The following PDE2A variants were observed in gnomAD, a reference collection of about 807,000 sequenced individuals.
PDE2A encodes the protein cGMP-dependent 3',5'-cyclic phosphodiesterase.
A neutral mutation model predicts 133.6 loss-of-function variants in PDE2A; 53 were observed. The ratio of observed to expected loss-of-function variants is 0.40; its 90% confidence interval spans 0.32 to 0.50. The LOEUF (loss-of-function observed/expected upper bound fraction) is 0.50. PDE2A is among the 20% of genes least tolerant of loss of function. PDE2A has a pLI of 0.73. For synonymous variants in PDE2A, 491 were observed against 490.2 expected (o/e 1.00, Z -0.02); for missense variants, 796 against 1,232.4 (o/e 0.65, Z 5.30).
chr11:72,669,395 G>A (rs191337790), intron 1 of PDE2A, among the ~76,000 whole-genome samples: 1 of 152,266 alleles, frequency 6.6e-6, no homozygotes, highest in Non-Finnish European at 1.5e-5. Flanking sequence ...TTTCGGGGTG[G>A]GGGGGCAGTG....
chr11:72,662,345 A>G (rs1855090679), intron 1 of PDE2A, among the ~76,000 whole-genome samples: 1 of 152,084 alleles, frequency 6.6e-6, no homozygotes, highest in Non-Finnish European at 1.5e-5. Context: ...CCAGCACCAT[A>G]AGGGGGCTGC....
intron 1 of PDE2A, among the ~76,000 whole-genome samples, chr11:72,655,858 G>A (rs1182091821): frequency 6.6e-6 from 1 of 152,240 alleles, no homozygotes; most frequent in African/African-American, 2.4e-5. Context: ...CAGCAAGGGA[G>A]TGCAGGCTAT....
Position 72,588,927 on chromosome 11 carries a change from G to C in PDE2A, c.940-13C>G, listed in dbSNP as rs941329892. The stretch of plus-strand genomic sequence containing the variant: ...GTTGTACATCCTCCTGCAAAGGCGA[G>C]GCAAGTCAGGGCAGGGAAGCAGGGC... On this transcript the variant is annotated splice_polypyrimidine_tract_variant and intron_variant, in intron 12 of 30. Transcript: ENST00000334456. 3 of 1,592,584 alleles carry C rather than the reference G, an allele frequency of 1.9e-6. No homozygotes were observed. In the Admixed American group the frequency reaches 5.1e-5, roughly 27 times the overall value.
Position 72,596,629 on chromosome 11 carries a change from C to A in PDE2A, c.453G>T (p.Ala151=). 1 of 1,515,388 alleles carries A rather than the reference C, an allele frequency of 6.6e-7. No homozygotes were observed. The highest frequency in any genetic ancestry group is 8.9e-7 in the Non-Finnish European group (1 of 1,124,196). The allele number at this position is 1,515,388 out of a possible 1,614,324, so 93.9% of individuals were successfully genotyped here. ...CTGCCACGGCCCCAGCCTCCTTGTC[C>A]GCTAGCGGCATGACCAGCACTGAGG... ...PDTQVLVMPL[A]DKEAGAVAAV... Residue 151 remains alanine, a synonymous_variant, in exon 6 of 31, where the codon GCG becomes GCT. Transcript: ENST00000334456.
At chr11:72,644,763 ATTTTATTTTT>A (rs2135441593) in intron 1 of PDE2A, among the ~76,000 whole-genome samples, 1 of 86,714 alleles carries the variant, frequency 1.2e-5, no homozygotes, top group Non-Finnish European at 2.7e-5. Context: ...ATTTTATTTT[ATTTTATTTTT>A]TTGAGACGGA....
intron 1 of PDE2A, 93 bp from the exon 2 acceptor site, chr11:72,642,419 C>A: frequency 1.6e-6 from 2 of 1,248,414 alleles, no homozygotes; most frequent in South Asian, 3.2e-5. Context: ...CCGCTGCGCT[C>A]GGTCAGCGCG....
At position 72,599,326 on chromosome 11, in the gene PDE2A, C is replaced by T. The variant is rs114473963; in HGVS notation, c.324-1707G>A. Among the ~76,000 whole-genome samples the T allele has an allele frequency of 4.7e-3, 717 of 152,158 alleles. 3 individuals carry two copies. The highest frequency in any genetic ancestry group is 0.016 in the African/African-American group (684 of 41,496). On this transcript the variant is annotated intron_variant, in intron 4 of 30. Transcript: ENST00000334456. ...CAGCCCTCACTCATGAGCTCCAGAC[C>T]CCAGATACCCAAAGGCCACCTGGAG...
At chr11:72,637,519 A>G (rs1270181046) in intron 2 of PDE2A, among the ~76,000 whole-genome samples, 1 of 152,248 alleles carries the variant, frequency 6.6e-6, no homozygotes, top group African/African-American at 2.4e-5. Context: ...GGAGGTAAGA[A>G]TCCCTGGGCT....
At chr11:72,631,175 C>T in intron 2 of PDE2A, 3 of 1,497,736 alleles carry the variant, frequency 2.0e-6, no homozygotes, top group Non-Finnish European at 2.7e-6. Flanking sequence ...TGAGGCCGGC[C>T]AGGCCTTCTC....
chr11:72,587,025 G>A (rs186884621), intron 13 of PDE2A, among the ~76,000 whole-genome samples: 7 of 152,262 alleles, frequency 4.6e-5, no homozygotes, highest in Admixed American at 4.6e-4. Flanking sequence ...ACATCTCTCA[G>A]CTTCAGCCAC....
In PDE2A at chr11:72,578,452, A is replaced by T; in HGVS notation, c.2508+24T>A. On this transcript the variant is annotated intron_variant, in intron 29 of 30. Transcript: ENST00000334456. This position sits in a 1 kb window ranked among gnomAD's most constrained non-coding sequence, Gnocchi z 4.2. ...CCAGGAACCCTCCCCCATCCTGGAC[A>T]TCCTGGGGTCACTCCACACATACCA... The T allele has an allele frequency of 1.9e-6, 3 of 1,609,640 alleles. No individual in the cohort carries two copies. The highest frequency in any genetic ancestry group is 2.6e-6 in the Non-Finnish European group (3 of 1,175,906).
At chr11:72,582,006 C>A (rs1052053941) in intron 21 of PDE2A, 59 bp from the exon 22 acceptor site, 3 of 1,309,876 alleles carry the variant, frequency 2.3e-6, no homozygotes, top group Non-Finnish European at 3.3e-6. Context: ...GGGCCCTTGC[C>A]TGGGTCCTTC....
At chr11:72,606,000 G>A (rs1013175287) in intron 3 of PDE2A, among the ~76,000 whole-genome samples, 3 of 152,194 alleles carry the variant, frequency 2.0e-5, no homozygotes, top group South Asian at 2.1e-4. Context: ...AGGGCAGGAC[G>A]TGCACAGGGA....
chr11:72,615,844 G>T (rs1004674243), intron 2 of PDE2A, among the ~76,000 whole-genome samples: 9 of 152,184 alleles, frequency 5.9e-5, no homozygotes, highest in African/African-American at 2.2e-4. Flanking sequence ...AATCAGAGTC[G>T]CGCCACAAAA....
chr11:72,610,911 G>A (rs867009511), intron 2 of PDE2A, among the ~76,000 whole-genome samples: 3 of 152,262 alleles, frequency 2.0e-5, no homozygotes, highest in East Asian at 1.9e-4. Flanking sequence ...CACAATACAC[G>A]CAGGCTATTA....
chr11:72,585,118 T>G (rs1428215260), intron 16 of PDE2A, 174 bp from the exon 17 acceptor site: 13 of 619,586 alleles, frequency 2.1e-5, no homozygotes, highest in African/African-American at 9.3e-5. Context: ...TGTTTTGTTT[T>G]TTTTTTTTTT....
chr11:72,591,181 A>AAGC, intron 7 of PDE2A, 116 bp downstream of exon 7: 1 of 807,750 alleles, frequency 1.2e-6, no homozygotes, highest in Non-Finnish European at 2.1e-6. Context: ...CACAGCTCAA[A>AAGC]AGCAGCAAAG....
chr11:72,664,364 ATTTTTTTTTT>A (rs34217943), intron 1 of PDE2A, among the ~76,000 whole-genome samples: 6 of 70,076 alleles, frequency 8.6e-5, no homozygotes, highest in African/African-American at 1.2e-4. Context: ...CCCTTGAAGG[ATTTTTTTTTT>A]TTTTTTTTTT....
In PDE2A at chr11:72,642,299, CG is replaced by C; in HGVS notation, c.98del (p.Pro33ArgfsTer20). ...GCTGCGGCGGCGGCGGCGGCTCGTC[CG>C]GCTTGAGGAAGACCTGCTGGCCCCG... is the stretch of plus-strand genomic sequence containing the variant. ...EPRGQQVFLK[P>X]DEPPPPPQPC... On this transcript the variant is annotated frameshift_variant, in exon 2 of 31. Coordinates refer to ENST00000334456, the MANE Select transcript of PDE2A (RefSeq NM_002599.5). LOFTEE classifies it high-confidence loss of function. The C allele has an allele frequency of 6.5e-7, 1 of 1,528,868 alleles. No homozygotes were observed. Among genetic ancestry groups the C allele is most frequent in the Non-Finnish European group, 8.8e-7 (1 of 1,140,434 alleles). The allele number at this position is 1,528,868 out of a possible 1,614,324, so 94.7% of individuals were successfully genotyped here.
Sources: gnomAD v4.1 joint callset for allele counts (sites outside exome capture counted in the v4.1 genomes callset) on GRCh38, gnomAD v4.1.1 for gene constraint, Gnocchi (gnomAD v3.1) non-coding constraint, MANE v1.5 for transcripts, NCBI Gene and HGNC (gene_info 2026-07-23, HGNC 2026-07-21) for gene names.